The following ZMAT4 variants were observed in gnomAD, a reference collection of about 807,000 sequenced individuals.
ZMAT4 encodes the protein zinc finger matrin-type 4.
ZMAT4 carries 17 observed loss-of-function variants against 28.7 expected under a neutral mutation model. The observed-to-expected ratio is 0.59, with a 90% CI of 0.41 to 0.89. The LOEUF (loss-of-function observed/expected upper bound fraction) is 0.89. Ranked by LOEUF, ZMAT4 falls within the 40% of genes least tolerant of loss-of-function variation. ZMAT4 has a pLI of 0.00. For missense variants in ZMAT4, 240 were observed against 283.8 expected (o/e 0.85, Z 1.11); for synonymous variants, 117 against 109.2 (o/e 1.07, Z -0.44).
chr8:40,590,929 C>T (rs1186375326), intron 5 of ZMAT4, among the ~76,000 whole-genome samples: 8 of 152,072 alleles, frequency 5.3e-5, no homozygotes, highest in Admixed American at 3.9e-4. Context: ...AAATATAATT[C>T]AGCTCATGTG....
intron 5 of ZMAT4, among the ~76,000 whole-genome samples, chr8:40,662,961 A>T (rs10104412): frequency 0.16 from 23,999 of 152,134 alleles, 2,100 homozygotes; most frequent in Non-Finnish European, 0.19. Flanking sequence ...CTCTGCATGA[A>T]TTCGATTTGG....
chr8:40,865,974 G>A (rs1033484732), intron 1 of ZMAT4, among the ~76,000 whole-genome samples: 1 of 152,250 alleles, frequency 6.6e-6, no homozygotes, highest in Admixed American at 6.5e-5. Flanking sequence ...GGCCCCAGGA[G>A]TGCCCTCTGT....
At chr8:40,832,699 T>C (rs559683503) in intron 1 of ZMAT4, among the ~76,000 whole-genome samples, 7 of 152,212 alleles carry the variant, frequency 4.6e-5, no homozygotes, top group African/African-American at 7.2e-5. Flanking sequence ...CCAATTAAGA[T>C]GAACTATGAC....
At chr8:40,781,128 C>A (rs1182338557) in intron 2 of ZMAT4, among the ~76,000 whole-genome samples, 4 of 152,108 alleles carry the variant, frequency 2.6e-5, no homozygotes, top group African/African-American at 9.7e-5. Flanking sequence ...ATGACATAAT[C>A]CTAACTGATC....
At chr8:40,565,118 C>A (rs1803873348) in intron 6 of ZMAT4, among the ~76,000 whole-genome samples, 1 of 152,170 alleles carries the variant, frequency 6.6e-6, no homozygotes, top group African/African-American at 2.4e-5. Context: ...AATCATCATT[C>A]TTTGATCACA....
chr8:40,581,152 C>A lies in ZMAT4; in HGVS notation c.674+13G>T. 6.2e-7 allele frequency: 1 copy of A among 1,609,520 alleles called. No homozygotes were observed. The highest frequency in any genetic ancestry group is 8.5e-7 in the Non-Finnish European group (1 of 1,176,666). ...TCGAAGAAACTGAAGAGTGAAAGCA[C>A]AAAAGTACCTACTTGGTCTGGTGTT... On this transcript the variant is annotated intron_variant, in intron 6 of 6. Transcript: ENST00000297737.
chr8:40,711,093 C>G (rs1810596741), intron 3 of ZMAT4, among the ~76,000 whole-genome samples: 1 of 152,094 alleles, frequency 6.6e-6, no homozygotes, highest in South Asian at 2.1e-4. Flanking sequence ...CAAGATTTTT[C>G]AAATAGCTCC....
intron 1 of ZMAT4, among the ~76,000 whole-genome samples, chr8:40,834,951 G>A (rs1465099542): frequency 2.0e-5 from 3 of 152,186 alleles, no homozygotes; most frequent in East Asian, 1.9e-4. Context: ...GGTGTCAGGC[G>A]GTAATGCACA....
intron 4 of ZMAT4, among the ~76,000 whole-genome samples, chr8:40,687,273 G>C (rs1272805465): frequency 6.6e-6 from 1 of 152,190 alleles, no homozygotes; most frequent in Non-Finnish European, 1.5e-5. Flanking sequence ...ATGGCCAGCT[G>C]TTTCCCAAAG....
intron 5 of ZMAT4, among the ~76,000 whole-genome samples, chr8:40,641,756 G>T (rs1294369349): frequency 6.6e-6 from 1 of 152,016 alleles, no homozygotes; most frequent in Non-Finnish European, 1.5e-5. Flanking sequence ...ATACAATACA[G>T]TATTTTTAAG....
intron 2 of ZMAT4, among the ~76,000 whole-genome samples, chr8:40,792,016 G>T (rs539924316): frequency 5.3e-5 from 8 of 152,138 alleles, no homozygotes; most frequent in African/African-American, 1.9e-4. Context: ...CCTCTTTCTG[G>T]GATTAAAAAG....
intron 6 of ZMAT4, among the ~76,000 whole-genome samples, chr8:40,577,760 A>G (rs998899027): frequency 2.0e-4 from 30 of 152,076 alleles, no homozygotes; most frequent in Non-Finnish European, 4.3e-4. Context: ...TTATGTATCA[A>G]TTATAAACAA....
At chr8:40,796,549 G>C (rs556627616) in intron 2 of ZMAT4, among the ~76,000 whole-genome samples, 1 of 152,086 alleles carries the variant, frequency 6.6e-6, no homozygotes, top group Non-Finnish European at 1.5e-5. Context: ...CACTGTCTCT[G>C]TGGTATTTAA....
At chr8:40,840,770 G>A (rs776195837) in intron 1 of ZMAT4, among the ~76,000 whole-genome samples, 15 of 152,204 alleles carry the variant, frequency 9.9e-5, no homozygotes, top group Non-Finnish European at 1.5e-4. Context: ...AGAGAAATAA[G>A]CTAGTGCCGA....
At chr8:40,721,988 T>A (rs1396060335) in intron 3 of ZMAT4, among the ~76,000 whole-genome samples, 1 of 151,950 alleles carries the variant, frequency 6.6e-6, no homozygotes, top group Non-Finnish European at 1.5e-5. Context: ...AAGCTGAAAC[T>A]GGATCCCTTC....
rs562988169 is a variant in ZMAT4 at position 40,611,892 on chromosome 8, C to T, written c.578-30631G>A. On this transcript the variant is annotated intron_variant, in intron 5 of 6. Coordinates refer to ENST00000297737, the MANE Select transcript of ZMAT4 (RefSeq NM_024645.3). ...TTCATTTCACAGAAAAAATGTAGTA[C>T]CAAACTGAAAGATTTAGGGTCTGGA... Among the ~76,000 whole-genome samples the T allele has an allele frequency of 3.9e-5, 6 of 152,252 alleles. No homozygotes were observed. The East Asian group carries it at 1.2e-3, about 29-fold the overall frequency.
intron 6 of ZMAT4, among the ~76,000 whole-genome samples, chr8:40,561,134 G>C (rs1252459169): frequency 6.6e-6 from 1 of 152,068 alleles, no homozygotes; most frequent in Admixed American, 6.6e-5. Context: ...AGAGACTTCT[G>C]TGCAAAGAGA....
chr8:40,860,459 C>CT (rs1178304507), intron 1 of ZMAT4, among the ~76,000 whole-genome samples: 6 of 152,124 alleles, frequency 3.9e-5, no homozygotes, highest in African/African-American at 1.4e-4. Flanking sequence ...TATAATATTC[C>CT]TTTTCACCAT....
At chr8:40,735,145 T>C (rs1484466687) in intron 3 of ZMAT4, among the ~76,000 whole-genome samples, 1 of 152,194 alleles carries the variant, frequency 6.6e-6, no homozygotes, top group Non-Finnish European at 1.5e-5. Context: ...CCAAATTTAA[T>C]ATATAAAATC....
Sources: allele counts gnomAD v4.1 joint callset (sites outside exome capture counted in the v4.1 genomes callset), GRCh38; gene constraint gnomAD v4.1.1; transcripts MANE v1.5; gene names NCBI Gene and HGNC (gene_info 2026-07-23, HGNC 2026-07-21).